The following PCCB variants were observed in gnomAD, a reference collection of about 807,000 sequenced individuals.
PCCB encodes propionyl-CoA carboxylase beta chain, mitochondrial.
Under a neutral mutation model 60.7 loss-of-function variants are expected in PCCB, and 43 were observed. The ratio of observed to expected loss-of-function variants is 0.71; its 90% CI spans 0.55 to 0.91. The LOEUF (loss-of-function observed/expected upper bound fraction) is 0.91. PCCB is among the 40% of genes least tolerant of loss of function. The pLI is 0.00. For synonymous variants in PCCB, 276 were observed against 255.9 expected (o/e 1.08, Z -0.75); for missense variants, 766 against 702.8 (o/e 1.09, Z -1.02).
chr3:136,309,894 G>C (rs1162022624), intron 9 of PCCB, among the ~76,000 whole-genome samples: 1 of 152,036 alleles, frequency 6.6e-6, no homozygotes, highest in African/African-American at 2.4e-5. Flanking sequence ...GAGATAGGAA[G>C]CTTAAATGAA....
At chr3:136,304,472 C>T (rs1934391206) in intron 9 of PCCB, among the ~76,000 whole-genome samples, 1 of 117,896 alleles carries the variant, frequency 8.5e-6, no homozygotes. Context: ...AGCTCTGCCT[C>T]CCGGGTACAC....
intron 9 of PCCB, among the ~76,000 whole-genome samples, chr3:136,305,462 C>T (rs1397409441): frequency 8.3e-6 from 1 of 120,800 alleles, no homozygotes; most frequent in African/African-American, 2.5e-5. Flanking sequence ...AAAAAAACTT[C>T]TTCTGGCCGG....
rs370504998 is a variant in PCCB, at chr3:136,316,954, G to A, written c.980G>A (p.Arg327His). 3.1e-5 allele frequency: 50 copies of A among 1,613,984 alleles called. No individual in the cohort carries two copies. The highest frequency in any genetic ancestry group is 2.1e-4 in the African/African-American group (16 of 75,012). The change falls in exon 10 of 15, where the codon CGT becomes CAT. Residue 327 changes from arginine to histidine, a missense_variant. By Grantham distance (29) the Arg-to-His change is conservative. Transcript: ENST00000251654. ...VDIIHSVVDE[R>H]EFFEIMPNYA... is the part of the protein sequence containing the mutation. The stretch of plus-strand genomic sequence containing the variant: ...TTATTCCTGCAGGTTGTTGATGAGC[G>A]TGAATTTTTTGAGATCATGCCCAAT...
At chr3:136,316,564 C>T (rs780928246) in intron 9 of PCCB, among the ~76,000 whole-genome samples, 2 of 152,142 alleles carry the variant, frequency 1.3e-5, no homozygotes, top group Non-Finnish European at 2.9e-5. Flanking sequence ...GATCCACCTG[C>T]CTCGACCTCC....
At chr3:136,277,616 G>A (rs1942365365) in intron 5 of PCCB, among the ~76,000 whole-genome samples, 1 of 152,038 alleles carries the variant, frequency 6.6e-6, no homozygotes, top group Admixed American at 6.5e-5. Flanking sequence ...TTGGGGGGGC[G>A]GTTCTCAGGT....
At chr3:136,303,827 C>A (rs1489149893) in intron 9 of PCCB, among the ~76,000 whole-genome samples, 1 of 122,108 alleles carries the variant, frequency 8.2e-6, no homozygotes, top group African/African-American at 2.5e-5. Flanking sequence ...TGGTCTTGAA[C>A]TTCTGACCTC....
At position 136,269,701 on chromosome 3, in the gene PCCB, C is replaced by T. The variant is rs140168899; in HGVS notation, c.543+7636C>T. Reference sequence around the variant, plus strand: ...GAGATAGAGACCATCCTGGCTAACACGGTGAAACCCTGTCTTTACTAAAAA... The same window carrying T: ...GAGATAGAGACCATCCTGGCTAACATGGTGAAACCCTGTCTTTACTAAAAA... On this transcript the variant is annotated intron_variant, in intron 5 of 14. Transcript: ENST00000251654. Among the ~76,000 whole-genome samples, 327 of 151,918 alleles carry T rather than the reference C, an allele frequency of 2.2e-3. 3 individuals carry two copies. In the East Asian group the frequency reaches 0.03, roughly 14 times the overall value.
rs972087415 is a variant in PCCB at position 136,325,267 on chromosome 3, C to G, written c.1091-1536C>G. Among the ~76,000 whole-genome samples, 5 of 152,124 alleles carry G rather than the reference C, an allele frequency of 3.3e-5. No individual in the cohort carries two copies. The South Asian group carries it at 1.0e-3, about 31-fold the overall frequency. On this transcript the variant is annotated intron_variant, in intron 10 of 14. Coordinates refer to ENST00000251654, the MANE Select transcript of PCCB (RefSeq NM_000532.5). Reference sequence around the variant, plus strand: ...CTCAAACTCCTGGGCTTAAGCAGTCCTCCACTTTGGCCTCCTGAGTAGCTG... The same window carrying G: ...CTCAAACTCCTGGGCTTAAGCAGTCGTCCACTTTGGCCTCCTGAGTAGCTG...
intron 9 of PCCB, among the ~76,000 whole-genome samples, chr3:136,315,832 A>T (rs903031283): frequency 6.6e-6 from 1 of 151,974 alleles, no homozygotes. Context: ...GTCTCAAAAA[A>T]AAAATAGTAT....
At chr3:136,327,883 C>T (rs1935386302) in intron 13 of PCCB, 151 bp downstream of exon 13, 2 of 709,736 alleles carry the variant, frequency 2.8e-6, no homozygotes, top group Admixed American at 2.0e-5. Flanking sequence ...TGGTAAGTCT[C>T]CCTCTTGGGG....
chr3:136,327,230 C>G lies in PCCB; in HGVS notation c.1274C>G (p.Pro425Arg), dbSNP rs141350388. ...LLYAFAEATV[P>R]KVTVITRKAY... is the part of the protein sequence containing the mutation. ...TACGCATTTGCTGAGGCAACTGTAC[C>G]CAAAGTCACAGTCATCACCAGGAAG... Residue 425 changes from proline to arginine, a missense_variant, in exon 12 of 15, where the codon CCC becomes CGC. Transcript: ENST00000251654. 2 of 1,614,038 alleles carry G rather than the reference C, an allele frequency of 1.2e-6. No individual in the cohort carries two copies. The highest frequency in any genetic ancestry group is 1.7e-6 in the Non-Finnish European group (2 of 1,179,938).
chr3:136,290,096 T>G (rs1933604454), intron 6 of PCCB, among the ~76,000 whole-genome samples: 1 of 152,232 alleles, frequency 6.6e-6, no homozygotes, highest in African/African-American at 2.4e-5. Context: ...CATTTTACCT[T>G]CATTTATTCC....
chr3:136,277,914 C>G (rs920815749), intron 5 of PCCB, among the ~76,000 whole-genome samples: 1 of 152,170 alleles, frequency 6.6e-6, no homozygotes, highest in Non-Finnish European at 1.5e-5. Context: ...GCACCTGGCT[C>G]CTGCACTTGT....
rs1351152821 is a variant in PCCB, at chr3:136,252,789, C to T, written c.183+2231C>T. ...AAGTGCTGGGATTACAGGTGTGAGC[C>T]GCAGTGCCTGGTCAGTATAAATATA... On this transcript the variant is annotated intron_variant, in intron 1 of 14. Transcript: ENST00000251654. Among the ~76,000 whole-genome samples the T allele has an allele frequency of 1.1e-4, 17 of 151,476 alleles. No individual in the cohort carries two copies. In the East Asian group the frequency reaches 2.3e-3, roughly 21 times the overall value.
chr3:136,304,393 T>TA (rs1196434354), intron 9 of PCCB, among the ~76,000 whole-genome samples: 2 of 118,382 alleles, frequency 1.7e-5, no homozygotes, highest in African/African-American at 2.6e-5. Flanking sequence ...TTTATTTATT[T>TA]TTTTTTGAGT....
intron 5 of PCCB, among the ~76,000 whole-genome samples, chr3:136,264,086 C>A (rs964004248): frequency 1.3e-5 from 2 of 151,964 alleles, no homozygotes; most frequent in Non-Finnish European, 2.9e-5. Context: ...GTCCTTTTCC[C>A]AGATTCACCA....
At chr3:136,260,628 A>G in intron 4 of PCCB, 93 bp downstream of exon 4, 1 of 1,096,284 alleles carries the variant, frequency 9.1e-7, no homozygotes, top group Non-Finnish European at 1.4e-6. Context: ...TGAGCTAGGT[A>G]CTTGGGGTAG....
intron 1 of PCCB, chr3:136,251,152 G>T: frequency 4.4e-6 from 2 of 451,988 alleles, no homozygotes; most frequent in Non-Finnish European, 8.9e-6. Context: ...GTCGGAAGCA[G>T]GTGGCCTTTC....
chr3:136,278,170 T>TA (rs910559995), intron 5 of PCCB, among the ~76,000 whole-genome samples: 1 of 152,186 alleles, frequency 6.6e-6, no homozygotes, highest in Non-Finnish European at 1.5e-5. Flanking sequence ...TTATATTTCT[T>TA]ACTGCTCCCT....
Sources: gnomAD v4.1 joint callset for allele counts (sites outside exome capture counted in the v4.1 genomes callset) on GRCh38, gnomAD v4.1.1 for gene constraint, MANE v1.5 for transcripts, NCBI Gene and HGNC (gene_info 2026-07-23, HGNC 2026-07-21) for gene names.